Variants in DAB1 observed in about 807,000 individuals in gnomAD.
The protein encoded by DAB1 is DAB adaptor protein 1.
In DAB1, 15 loss-of-function variants were observed where a neutral mutation model predicts 64.6. The ratio of observed to expected loss-of-function variants is 0.23; its 90% CI spans 0.16 to 0.36. The LOEUF (loss-of-function observed/expected upper bound fraction) is 0.36. Ranked by LOEUF, DAB1 falls within the 10% of genes least tolerant of loss-of-function variation. The probability of loss-of-function intolerance (pLI) is 1.00; values close to 1 mark genes in which losing one functional copy is unlikely to be tolerated. For synonymous variants in DAB1, 235 were observed against 251.9 expected, an observed-to-expected ratio of 0.93 and a Z score of 0.64; for missense variants, 596 against 706.7, an observed-to-expected ratio of 0.84 and a Z score of 1.78.
At chr1:57,370,059 T>C (rs529671714) in intron 1 of DAB1, among the ~76,000 whole-genome samples, 18 of 152,286 alleles carry the variant, frequency 1.2e-4, no homozygotes, top group African/African-American at 4.3e-4. Context: ...CGGTATCACC[T>C]GTAACAGGAA....
At chr1:57,436,604 A>G (rs1685704334) in intron 7 of DAB1, among the ~76,000 whole-genome samples, 1 of 152,182 alleles carries the variant, frequency 6.6e-6, no homozygotes, top group South Asian at 2.1e-4. Context: ...GACACTGCCA[A>G]AGCAATGAAT....
chr1:57,249,182 G>A (rs891888130), intron 2 of DAB1, among the ~76,000 whole-genome samples: 4 of 151,668 alleles, frequency 2.6e-5, no homozygotes, highest in African/African-American at 9.7e-5. Context: ...AAGTAGCACA[G>A]TAACTGAATT....
chr1:58,531,920 G>T (rs747369537), intron 1 of DAB1, among the ~76,000 whole-genome samples: 69 of 152,080 alleles, frequency 4.5e-4, no homozygotes, highest in African/African-American at 9.9e-4. Context: ...TGTTGGCCAG[G>T]CTGGTCTTGA....
intron 5 of DAB1, among the ~76,000 whole-genome samples, chr1:57,922,242 C>CA (rs1644818552): frequency 6.6e-6 from 1 of 151,870 alleles, no homozygotes; most frequent in African/African-American, 2.4e-5. Context: ...TGAGTCTCTG[C>CA]AGCAGCCAGT....
chr1:57,347,984 A>G (rs1301524059), intron 1 of DAB1, among the ~76,000 whole-genome samples: 1 of 152,198 alleles, frequency 6.6e-6, no homozygotes, highest in Non-Finnish European at 1.5e-5. Flanking sequence ...TAACCTCAAG[A>G]AAATGAATTA....
intron 3 of DAB1, among the ~76,000 whole-genome samples, chr1:58,380,242 A>C (rs1282746629): frequency 4.6e-5 from 7 of 152,206 alleles, no homozygotes; most frequent in Non-Finnish European, 8.8e-5. Context: ...AATTTCCCCC[A>C]TGCTGTTCTC....
intron 4 of DAB1, among the ~76,000 whole-genome samples, chr1:58,207,010 C>T (rs934499235): frequency 1.6e-4 from 24 of 152,200 alleles, no homozygotes; most frequent in Admixed American, 1.3e-4. Flanking sequence ...CAAGCCTGGA[C>T]TAGCCTAGTG....
chr1:58,215,670 T>A (rs540822770), intron 4 of DAB1, among the ~76,000 whole-genome samples: 1 of 152,172 alleles, frequency 6.6e-6, no homozygotes, highest in Non-Finnish European at 1.5e-5. Context: ...AGTTACTCCT[T>A]GAGGGGAGCC....
intron 5 of DAB1, among the ~76,000 whole-genome samples, chr1:58,097,386 C>A (rs1003024513): frequency 6.6e-6 from 1 of 152,154 alleles, no homozygotes; most frequent in Non-Finnish European, 1.5e-5. Flanking sequence ...ATGGGAAATA[C>A]AAAAGGTAAG....
chr1:58,363,026 C>T (rs12132939), intron 3 of DAB1, among the ~76,000 whole-genome samples: 14,172 of 152,232 alleles, frequency 0.093, 671 homozygotes, highest in Middle Eastern at 0.13. Context: ...CAGATAAAGA[C>T]AGAAATCAAG....
chr1:57,524,507 T>C (rs1165272480), intron 7 of DAB1, among the ~76,000 whole-genome samples: 1 of 152,112 alleles, frequency 6.6e-6, no homozygotes, highest in Non-Finnish European at 1.5e-5. Context: ...CAGCAAAGTG[T>C]GGTGGATTAT....
At chr1:57,421,842 C>T (rs1684912162) in intron 1 of DAB1, among the ~76,000 whole-genome samples, 1 of 145,412 alleles carries the variant, frequency 6.9e-6, no homozygotes, top group South Asian at 2.1e-4. Context: ...TGATCACTTT[C>T]AGTTCCCAGA....
At chr1:57,467,661 T>C (rs1238264922) in intron 7 of DAB1, among the ~76,000 whole-genome samples, 1 of 152,164 alleles carries the variant, frequency 6.6e-6, no homozygotes, top group Non-Finnish European at 1.5e-5. Context: ...TCATTTGCTG[T>C]ACATCCAGCA....
chr1:58,488,127 A>G (rs576592339), intron 3 of DAB1, among the ~76,000 whole-genome samples: 5 of 152,292 alleles, frequency 3.3e-5, no homozygotes, highest in Admixed American at 2.6e-4. Flanking sequence ...ATACAGATTT[A>G]GTAAAAACTC....
At chr1:57,340,195 C>T (rs1406314574) in intron 1 of DAB1, among the ~76,000 whole-genome samples, 2 of 152,192 alleles carry the variant, frequency 1.3e-5, no homozygotes, top group Non-Finnish European at 2.9e-5. Flanking sequence ...ATTTAGTTGA[C>T]TTAAACTCTT....
chr1:56,999,431 A>G (rs1208354288), intron 14 of DAB1, among the ~76,000 whole-genome samples: 1 of 152,128 alleles, frequency 6.6e-6, no homozygotes. Flanking sequence ...AGAGACCCCA[A>G]TCTTTCCATC....
chr1:58,173,209 A>G (rs1400624795), intron 4 of DAB1, among the ~76,000 whole-genome samples: 2 of 152,206 alleles, frequency 1.3e-5, no homozygotes, highest in Non-Finnish European at 2.9e-5. Flanking sequence ...ACAGGGGTAT[A>G]GTTTTCTCCC....
chr1:57,366,519 C>G (rs1680006788), intron 1 of DAB1, among the ~76,000 whole-genome samples: 1 of 152,216 alleles, frequency 6.6e-6, no homozygotes, highest in Admixed American at 6.5e-5. Flanking sequence ...GAGAGGGACA[C>G]TAGGATTCCA....
chr1:57,847,765 C>T (rs550214612), intron 1 of DAB1, among the ~76,000 whole-genome samples: 1 of 152,086 alleles, frequency 6.6e-6, no homozygotes, highest in Non-Finnish European at 1.5e-5. Context: ...ATAGAAATAA[C>T]CTTCTTGATA....
Sources: gnomAD v4.1 joint callset for allele counts (sites outside exome capture counted in the v4.1 genomes callset) on GRCh38, gnomAD v4.1.1 for gene constraint, MANE v1.5 for transcripts, NCBI Gene and HGNC (gene_info 2026-07-23, HGNC 2026-07-21) for gene names.